IQSEC1: variants seen among roughly 807,000 people sequenced by gnomAD.
IQSEC1 encodes IQ motif and Sec7 domain ArfGEF 1.
A neutral mutation model predicts 91.0 loss-of-function variants in IQSEC1; 31 were observed. That is an observed-to-expected ratio of 0.34 (90% CI 0.26 to 0.46). IQSEC1 has a LOEUF of 0.46. IQSEC1 is among the 20% of genes least tolerant of loss of function. IQSEC1 has a pLI of 1.00. For synonymous variants in IQSEC1, 699 were observed against 662.6 expected, an observed-to-expected ratio of 1.05 and a Z score of -0.84; for missense variants, 1,388 against 1,575.6, an observed-to-expected ratio of 0.88 and a Z score of 2.02.
chr3:13,050,559 G>A (rs1206102095), intron 1 of IQSEC1, among the ~76,000 whole-genome samples: 1 of 152,202 alleles, frequency 6.6e-6, no homozygotes, highest in African/African-American at 2.4e-5. Context: ...ATGTTGAGAC[G>A]TAAGAGCTTA....
chr3:12,983,116 C>A lies in IQSEC1; in HGVS notation c.24-41251G>T, dbSNP rs1469897100. Among the ~76,000 whole-genome samples the A allele has an allele frequency of 6.6e-6, 1 of 152,210 alleles. No individual in the cohort carries two copies. Among genetic ancestry groups the A allele is most frequent in the Non-Finnish European group, 1.5e-5 (1 of 68,032 alleles). Reference sequence around the variant, plus strand: ...CCCCACTGTAACTCACTTGCACCTGCCCCTCCTATGAGACAGGGACTTTAT... The same window carrying A: ...CCCCACTGTAACTCACTTGCACCTGACCCTCCTATGAGACAGGGACTTTAT... On this transcript the variant is annotated intron_variant, in intron 1 of 13. Transcript: ENST00000613206. The surrounding 1 kb of genome is among the most constrained non-coding windows in gnomAD (Gnocchi z 4.3).
chr3:13,143,445 G>A (rs1706834305), intron 2 of IQSEC1, among the ~76,000 whole-genome samples: 3 of 152,250 alleles, frequency 2.0e-5, no homozygotes, highest in Non-Finnish European at 4.4e-5. Context: ...TGCACATCCA[G>A]GAAGTGATGC....
chr3:13,059,155 A>G lies in IQSEC1; in HGVS notation c.23+13837T>C, dbSNP rs1487164938. On this transcript the variant is annotated intron_variant, in intron 1 of 13. Coordinates refer to ENST00000613206, the MANE Select transcript of IQSEC1 (RefSeq NM_001134382.3). Reference sequence around the variant, plus strand: ...CCGACCTCCAGACACAAGGAGCTCAATGCTCCCAGGCTCCTCCCTGGGTGT... The same window carrying G: ...CCGACCTCCAGACACAAGGAGCTCAGTGCTCCCAGGCTCCTCCCTGGGTGT... 3.9e-5 allele frequency among the ~76,000 whole-genome samples: 6 copies of G among 151,968 alleles called. 1 individual carries two copies. The highest frequency in any genetic ancestry group is 7.4e-5 in the Non-Finnish European group (5 of 67,940).
At chr3:13,168,505 T>A (rs558386645) in intron 1 of IQSEC1, among the ~76,000 whole-genome samples, 1 of 152,050 alleles carries the variant, frequency 6.6e-6, no homozygotes, top group Non-Finnish European at 1.5e-5. Flanking sequence ...CCAAATCAGG[T>A]TCCTCTACCT....
Position 12,967,454 on chromosome 3 carries a change from C to T in IQSEC1, c.24-25589G>A. 8 of 1,518,234 alleles carry T rather than the reference C, an allele frequency of 5.3e-6. No homozygotes were observed. The highest frequency in any genetic ancestry group is 1.2e-5 in the South Asian group (1 of 81,552). 94.0% of individuals were successfully genotyped at this position (1,518,234 alleles called of 1,614,324 possible). The stretch of plus-strand genomic sequence containing the variant: ...GAGTTGCAGTGCAGGCACCACATGG[C>T]GGCCGCAGTGGGAGCGGGCCGGGCC... On this transcript the variant is annotated intron_variant, in intron 1 of 13. Coordinates refer to ENST00000613206, the MANE Select transcript of IQSEC1 (RefSeq NM_001134382.3). The surrounding 1 kb of genome is among the most constrained non-coding windows in gnomAD (Gnocchi z 5.9).
At chr3:13,265,438 T>C (rs961813542) in intron 1 of IQSEC1, among the ~76,000 whole-genome samples, 3 of 152,338 alleles carry the variant, frequency 2.0e-5, no homozygotes, top group Admixed American at 1.3e-4. Context: ...CTCCCAGAGA[T>C]GAAGCACAGC....
chr3:13,191,477 A>ATATTTT (rs1694029890), intron 1 of IQSEC1, among the ~76,000 whole-genome samples: 1 of 92,102 alleles, frequency 1.1e-5, no homozygotes, highest in South Asian at 4.3e-4. Context: ...CACCCAGCTA[A>ATATTTT]TTTTTTTTTT....
chr3:13,053,102 G>C lies in IQSEC1; in HGVS notation c.23+19890C>G, dbSNP rs117521936. 231 of 931,228 alleles carry C rather than the reference G, an allele frequency of 2.5e-4. 1 individual carries two copies. The East Asian group carries it at 5.6e-3, about 22-fold the overall frequency. 57.7% of individuals were successfully genotyped at this position (931,228 alleles called of 1,614,324 possible). On this transcript the variant is annotated intron_variant, in intron 1 of 13. Transcript: ENST00000613206. ...TCTTGGCCAGGAATCGCTTACTCCT[G>C]AAAGTCTTGTGAGAAGACATGGCGA...
At chr3:13,092,569 C>T (rs1419475788) in intron 2 of IQSEC1, among the ~76,000 whole-genome samples, 1 of 152,056 alleles carries the variant, frequency 6.6e-6, no homozygotes, top group African/African-American at 2.4e-5. Context: ...CCAGGAGCAG[C>T]GCGTGCCTGG....
chr3:13,023,084 C>A (rs1232471446), intron 1 of IQSEC1, among the ~76,000 whole-genome samples: 1 of 152,192 alleles, frequency 6.6e-6, no homozygotes, highest in Non-Finnish European at 1.5e-5. Context: ...AAGTCACTTA[C>A]CCTAGGTCAC....
In IQSEC1 at chr3:12,967,719, T is replaced by C; in HGVS notation, c.24-25854A>G. 2 of 1,095,768 alleles carry C rather than the reference T, an allele frequency of 1.8e-6. No individual in the cohort carries two copies. Among genetic ancestry groups the C allele is most frequent in the East Asian group, 5.5e-5 (1 of 18,120 alleles). 67.9% of individuals were successfully genotyped at this position (1,095,768 alleles called of 1,614,324 possible). ...AGCGCGAGGCCGGGCCGGAGGAATGTGGCCCTGAAGTGGGCGGGGCAGGGC... is the reference window on the plus strand; with the variant it reads ...AGCGCGAGGCCGGGCCGGAGGAATGCGGCCCTGAAGTGGGCGGGGCAGGGC... On this transcript the variant is annotated intron_variant, in intron 1 of 13. Transcript: ENST00000613206. The surrounding 1 kb of genome is among the most constrained non-coding windows in gnomAD (Gnocchi z 5.9).
intron 1 of IQSEC1, among the ~76,000 whole-genome samples, chr3:13,191,803 G>C (rs1468931510): frequency 1.3e-5 from 2 of 152,174 alleles, no homozygotes; most frequent in African/African-American, 4.8e-5. Context: ...AGGTTTTGCA[G>C]TCCTTCTTTC....
intron 1 of IQSEC1, among the ~76,000 whole-genome samples, chr3:13,200,049 C>T (rs1422037729): frequency 4.2e-5 from 6 of 142,040 alleles, no homozygotes; most frequent in African/African-American, 1.1e-4. Context: ...ACACTACACA[C>T]GCACACACAC....
chr3:13,162,047 C>T (rs541248313), intron 2 of IQSEC1, among the ~76,000 whole-genome samples: 1 of 152,196 alleles, frequency 6.6e-6, no homozygotes, highest in Non-Finnish European at 1.5e-5. Context: ...TCCTGATGAT[C>T]CGCTGGAGTG....
intron 2 of IQSEC1, among the ~76,000 whole-genome samples, chr3:13,129,470 T>A (rs1309970949): frequency 6.6e-6 from 1 of 152,206 alleles, no homozygotes; most frequent in African/African-American, 2.4e-5. Context: ...TTTCTGTTTT[T>A]CATTTCATTA....
chr3:13,261,314 C>T (rs1247474382), intron 1 of IQSEC1, among the ~76,000 whole-genome samples: 1 of 152,174 alleles, frequency 6.6e-6, no homozygotes, highest in Non-Finnish European at 1.5e-5. Context: ...AGGGCAGTGC[C>T]CTGGCCTTGA....
intron 1 of IQSEC1, among the ~76,000 whole-genome samples, chr3:13,071,851 G>A (rs1036068785): frequency 1.3e-5 from 2 of 149,216 alleles, no homozygotes; most frequent in Non-Finnish European, 3.0e-5. Context: ...CAAACCAGAG[G>A]CCACCGCCAT....
intron 1 of IQSEC1, among the ~76,000 whole-genome samples, chr3:12,973,924 C>T (rs1305368355): frequency 6.6e-6 from 1 of 152,146 alleles, no homozygotes; most frequent in Non-Finnish European, 1.5e-5. Context: ...GCTCCTTCTG[C>T]ACTGCTAAAA....
At chr3:12,903,154 G>T (rs1470385098) in intron 12 of IQSEC1, among the ~76,000 whole-genome samples, 3 of 152,254 alleles carry the variant, frequency 2.0e-5, no homozygotes, top group Non-Finnish European at 4.4e-5. Context: ...AGGTGGGCCT[G>T]ACGCCCCCAA....
Sources: gnomAD v4.1 joint callset for allele counts (sites outside exome capture counted in the v4.1 genomes callset) on GRCh38, gnomAD v4.1.1 for gene constraint, Gnocchi (gnomAD v3.1) non-coding constraint, MANE v1.5 for transcripts, NCBI Gene and HGNC (gene_info 2026-07-23, HGNC 2026-07-21) for gene names.